Variants in UBE2E2 observed in about 807,000 individuals in gnomAD.
UBE2E2 encodes the protein ubiquitin-conjugating enzyme E2 E2.
Under a neutral mutation model 24.7 loss-of-function variants are expected in UBE2E2, and 6 were observed. That is an observed-to-expected ratio of 0.24 (90% confidence interval 0.13 to 0.48). The LOEUF is 0.48. UBE2E2 is among the 20% of genes least tolerant of loss of function. UBE2E2 has a pLI of 0.99. For missense variants in UBE2E2, 169 were observed against 245.0 expected (o/e 0.69, Z 2.07); for synonymous variants, 104 against 83.6 (o/e 1.24, Z -1.33).
At chr3:23,365,428 A>G (rs1696227067) in intron 3 of UBE2E2, among the ~76,000 whole-genome samples, 1 of 152,234 alleles carries the variant, frequency 6.6e-6, no homozygotes, top group Non-Finnish European at 1.5e-5. Context: ...GTCTCAGAAG[A>G]CAAAATCAGT....
intron 3 of UBE2E2, among the ~76,000 whole-genome samples, chr3:23,351,311 G>C (rs1695741637): frequency 6.6e-6 from 1 of 152,192 alleles, no homozygotes; most frequent in Non-Finnish European, 1.5e-5. Context: ...ATCAAGGCTA[G>C]GAAGAAACTC....
At chr3:23,484,593 G>A (rs1699321790) in intron 3 of UBE2E2, among the ~76,000 whole-genome samples, 1 of 152,164 alleles carries the variant, frequency 6.6e-6, no homozygotes, top group African/African-American at 2.4e-5. Context: ...GTACAGTGAT[G>A]AGCACTGATG....
At chr3:23,259,358 G>GT (rs921474493) in intron 3 of UBE2E2, among the ~76,000 whole-genome samples, 20 of 152,050 alleles carry the variant, frequency 1.3e-4, no homozygotes, top group Non-Finnish European at 7.4e-5. Flanking sequence ...AAGAGGTTAG[G>GT]TTTTTTTCCC....
At chr3:23,212,243 A>T (rs1485735954) in intron 2 of UBE2E2, among the ~76,000 whole-genome samples, 1 of 152,182 alleles carries the variant, frequency 6.6e-6, no homozygotes, top group Non-Finnish European at 1.5e-5. Flanking sequence ...TTAGGAGGAA[A>T]GATTACAGTT....
chr3:23,548,944 G>C (rs534647529), intron 5 of UBE2E2, among the ~76,000 whole-genome samples: 1 of 152,250 alleles, frequency 6.6e-6, no homozygotes, highest in South Asian at 2.1e-4. Context: ...GGCCCCATCA[G>C]CTCTCAAAAG....
In UBE2E2 at chr3:23,557,775, C is replaced by G. The variant is rs553405069; in HGVS notation, c.508+25074C>G. On this transcript the variant is annotated intron_variant, in intron 5 of 5. Transcript: ENST00000396703. ...TTTCAAATATAAGGAGCATAGCAGC[C>G]TCATCTATAACTTTTTCCAAAGGTA... is the stretch of plus-strand genomic sequence containing the variant. Among the ~76,000 whole-genome samples, 3 of 152,278 alleles carry G rather than the reference C, an allele frequency of 2.0e-5. No homozygotes were observed. The East Asian group carries it at 5.8e-4, about 29-fold the overall frequency.
intron 3 of UBE2E2, among the ~76,000 whole-genome samples, chr3:23,324,356 C>G (rs550142344): frequency 1.8e-4 from 27 of 152,188 alleles, no homozygotes; most frequent in Non-Finnish European, 2.5e-4. Flanking sequence ...AAACTCTTGC[C>G]TATCCCAGAA....
chr3:23,295,875 G>T (rs1387065565), intron 3 of UBE2E2, among the ~76,000 whole-genome samples: 1 of 152,144 alleles, frequency 6.6e-6, no homozygotes, highest in East Asian at 1.9e-4. Flanking sequence ...AAGGTTGATG[G>T]AGGGATTGGA....
chr3:23,580,678 C>G (rs1469892299), intron 5 of UBE2E2, among the ~76,000 whole-genome samples: 2 of 152,086 alleles, frequency 1.3e-5, no homozygotes, highest in Admixed American at 1.3e-4. Flanking sequence ...AGAGATGGGA[C>G]ACATAAGACT....
At chr3:23,390,174 G>A (rs1175201816) in intron 3 of UBE2E2, among the ~76,000 whole-genome samples, 1 of 152,062 alleles carries the variant, frequency 6.6e-6, no homozygotes, top group African/African-American at 2.4e-5. Flanking sequence ...CCCAGCAAAG[G>A]CCCCACCCCT....
At chr3:23,295,065 G>T (rs529150864) in intron 3 of UBE2E2, among the ~76,000 whole-genome samples, 3 of 152,122 alleles carry the variant, frequency 2.0e-5, no homozygotes, top group Non-Finnish European at 4.4e-5. Context: ...TTTACATTTA[G>T]TGTTCATCTC....
chr3:23,391,669 T>G (rs982682201), intron 3 of UBE2E2, among the ~76,000 whole-genome samples: 1 of 152,186 alleles, frequency 6.6e-6, no homozygotes. Flanking sequence ...TGAGAGATAC[T>G]GCATTAACCG....
At chr3:23,307,549 T>C (rs1699270304) in intron 3 of UBE2E2, among the ~76,000 whole-genome samples, 2 of 152,212 alleles carry the variant, frequency 1.3e-5, no homozygotes, top group South Asian at 4.1e-4. Context: ...TCATCTTTAC[T>C]TGAAATAATT....
chr3:23,322,298 T>A (rs921879501), intron 3 of UBE2E2, among the ~76,000 whole-genome samples: 7 of 152,114 alleles, frequency 4.6e-5, no homozygotes, highest in African/African-American at 1.7e-4. Flanking sequence ...GTTGAAAGGG[T>A]CGGTAGGATA....
intron 3 of UBE2E2, among the ~76,000 whole-genome samples, chr3:23,351,996 C>A (rs1260470612): frequency 6.6e-6 from 1 of 152,146 alleles, no homozygotes; most frequent in African/African-American, 2.4e-5. Context: ...AAGCTCTCCT[C>A]AGCAAATGTA....
At chr3:23,305,014 A>T (rs1699202934) in intron 3 of UBE2E2, among the ~76,000 whole-genome samples, 3 of 152,212 alleles carry the variant, frequency 2.0e-5, no homozygotes, top group Non-Finnish European at 2.9e-5. Flanking sequence ...ATTATGTGAT[A>T]TCAAAAAGTA....
At chr3:23,429,393 C>G (rs1698002763) in intron 3 of UBE2E2, among the ~76,000 whole-genome samples, 2 of 152,120 alleles carry the variant, frequency 1.3e-5, no homozygotes, top group South Asian at 2.1e-4. Flanking sequence ...TAACAAAATA[C>G]TAGCAAATGG....
chr3:23,393,598 G>A (rs1015115467), intron 3 of UBE2E2, among the ~76,000 whole-genome samples: 3 of 152,124 alleles, frequency 2.0e-5, no homozygotes, highest in South Asian at 2.1e-4. Context: ...TTAGAGGCAC[G>A]GTGGAAAAGT....
At chr3:23,501,738 G>T (rs2125457328) in intron 4 of UBE2E2, among the ~76,000 whole-genome samples, 1 of 152,242 alleles carries the variant, frequency 6.6e-6, no homozygotes, top group East Asian at 1.9e-4. Flanking sequence ...TTCTCTGAGG[G>T]AAATCTGACC....
Sources: allele counts gnomAD v4.1 joint callset (sites outside exome capture counted in the v4.1 genomes callset), GRCh38; gene constraint gnomAD v4.1.1; transcripts MANE v1.5; gene names NCBI Gene and HGNC (gene_info 2026-07-23, HGNC 2026-07-21).